The following ZFPM2 variants were observed in gnomAD, a reference collection of about 807,000 sequenced individuals.
The protein encoded by ZFPM2 is zinc finger protein ZFPM2.
A neutral mutation model predicts 98.6 loss-of-function variants in ZFPM2; 20 were observed. The ratio of observed to expected loss-of-function variants is 0.20; its 90% CI spans 0.14 to 0.29. The LOEUF (loss-of-function observed/expected upper bound fraction) is 0.29, where lower values mean the gene tolerates loss of function less well. Among genes scored for constraint, ZFPM2 ranks in the 10% least tolerant of loss-of-function variants. The probability of loss-of-function intolerance (pLI) is 1.00; values close to 1 mark genes in which losing one functional copy is unlikely to be tolerated. For missense variants in ZFPM2, 1,310 were observed against 1,388.6 expected, an observed-to-expected ratio of 0.94 and a Z score of 0.90; for synonymous variants, 518 against 502.7, an observed-to-expected ratio of 1.03 and a Z score of -0.41.
intron 5 of ZFPM2, among the ~76,000 whole-genome samples, chr8:105,658,160 G>A (rs1236975528): frequency 6.6e-6 from 1 of 152,144 alleles, no homozygotes; most frequent in East Asian, 1.9e-4. Context: ...GAAGCCTCTG[G>A]TGAGTTATGG....
intron 5 of ZFPM2, among the ~76,000 whole-genome samples, chr8:105,777,134 A>G (rs1354074435): frequency 2.0e-5 from 3 of 152,182 alleles, no homozygotes; most frequent in Non-Finnish European, 4.4e-5. Context: ...AGAAAACCAG[A>G]GTGCAGTTTT....
chr8:105,741,033 G>A (rs1279325657), intron 5 of ZFPM2, among the ~76,000 whole-genome samples: 1 of 152,070 alleles, frequency 6.6e-6, no homozygotes, highest in Non-Finnish European at 1.5e-5. Context: ...TATCAGGGCA[G>A]CCTGCAGTGA....
chr8:105,349,762 A>G (rs1475193261), intron 1 of ZFPM2, among the ~76,000 whole-genome samples: 1 of 152,220 alleles, frequency 6.6e-6, no homozygotes, highest in Non-Finnish European at 1.5e-5. Context: ...TCTAACTACC[A>G]TGATATATCA....
chr8:105,397,703 A>C (rs867926963), intron 1 of ZFPM2, among the ~76,000 whole-genome samples: 1 of 152,126 alleles, frequency 6.6e-6, no homozygotes, highest in Non-Finnish European at 1.5e-5. Context: ...GTTTTATTAA[A>C]ATTTCCTATA....
chr8:105,336,128 A>G (rs1235863890), intron 1 of ZFPM2, among the ~76,000 whole-genome samples: 1 of 151,796 alleles, frequency 6.6e-6, no homozygotes. Context: ...TATTGTTATA[A>G]TGTTTCAGAA....
intron 4 of ZFPM2, among the ~76,000 whole-genome samples, chr8:105,622,802 G>T (rs1004898435): frequency 4.6e-5 from 7 of 151,878 alleles, no homozygotes; most frequent in African/African-American, 1.7e-4. Context: ...TGCATCTGTT[G>T]ATTTGGTGAA....
chr8:105,354,906 A>G (rs1812711969), intron 1 of ZFPM2, among the ~76,000 whole-genome samples: 1 of 152,100 alleles, frequency 6.6e-6, no homozygotes, highest in Non-Finnish European at 1.5e-5. Flanking sequence ...GTGAGCCGAG[A>G]TGGCGCCACT....
chr8:105,631,524 C>A (rs1031703043), intron 4 of ZFPM2, among the ~76,000 whole-genome samples: 6 of 152,134 alleles, frequency 3.9e-5, no homozygotes, highest in Admixed American at 2.6e-4. Context: ...TCCTGTTTAT[C>A]CTTTAAAATC....
chr8:105,781,282 A>G (rs1264664391), intron 5 of ZFPM2, among the ~76,000 whole-genome samples: 2 of 144,022 alleles, frequency 1.4e-5, no homozygotes, highest in Non-Finnish European at 3.0e-5. Context: ...TAAACTTGCA[A>G]TTTAAGGAAT....
chr8:105,640,523 TA>T (rs1816930839), intron 5 of ZFPM2, among the ~76,000 whole-genome samples: 1 of 152,074 alleles, frequency 6.6e-6, no homozygotes, highest in Non-Finnish European at 1.5e-5. Flanking sequence ...TTAGTTAATT[TA>T]ACCATTTTTG....
At chr8:105,753,557 T>C (rs1413778600) in intron 5 of ZFPM2, among the ~76,000 whole-genome samples, 3 of 152,106 alleles carry the variant, frequency 2.0e-5, no homozygotes, top group African/African-American at 4.8e-5. Context: ...AAAAGAAAAT[T>C]GCATTTCTAA....
At chr8:105,506,219 T>A (rs1813695316) in intron 3 of ZFPM2, among the ~76,000 whole-genome samples, 1 of 152,198 alleles carries the variant, frequency 6.6e-6, no homozygotes, top group African/African-American at 2.4e-5. Context: ...ATATATCAAT[T>A]CTGTGCTGAG....
intron 5 of ZFPM2, among the ~76,000 whole-genome samples, chr8:105,754,633 C>G (rs1001584147): frequency 2.0e-5 from 3 of 151,464 alleles, no homozygotes; most frequent in African/African-American, 7.3e-5. Flanking sequence ...TCTAATTTCT[C>G]AAAAAGAATA....
chr8:105,458,127 T>C (rs1812626830), intron 3 of ZFPM2, among the ~76,000 whole-genome samples: 1 of 152,202 alleles, frequency 6.6e-6, no homozygotes, highest in South Asian at 2.1e-4. Flanking sequence ...GGATGTCCTC[T>C]GAACTTCTTG....
intron 1 of ZFPM2, among the ~76,000 whole-genome samples, chr8:105,328,227 T>C (rs75384195): frequency 0.038 from 5,813 of 151,846 alleles, 369 homozygotes; most frequent in African/African-American, 0.13. Flanking sequence ...GCTCAGTGAA[T>C]GTATTATTGG....
chr8:105,800,347 T>TAATC lies in ZFPM2; in HGVS notation c.965-698_965-695dup, dbSNP rs1341738170. ...AGTCAATGGTAATATTCAAAATATT[T>TAATC]AATCATGGACTAGAAATAGGCAGTG... On this transcript the variant is annotated intron_variant, in intron 7 of 7. Coordinates refer to ENST00000407775, the MANE Select transcript of ZFPM2 (RefSeq NM_012082.4). 2.6e-5 allele frequency among the ~76,000 whole-genome samples: 4 copies of TAATC among 152,186 alleles called. No homozygotes were observed. In the East Asian group the frequency reaches 7.7e-4, roughly 29 times the overall value.
chr8:105,580,927 C>T (rs1429906682), intron 4 of ZFPM2, among the ~76,000 whole-genome samples: 2 of 151,046 alleles, frequency 1.3e-5, no homozygotes, highest in Non-Finnish European at 2.9e-5. Context: ...AATGTTGTGT[C>T]ATGGTGAAAA....
At chr8:105,621,754 C>T (rs1275413939) in intron 4 of ZFPM2, among the ~76,000 whole-genome samples, 6 of 151,992 alleles carry the variant, frequency 3.9e-5, no homozygotes. Flanking sequence ...TCTCTCTATC[C>T]TTGAGTATTC....
chr8:105,552,475 T>G (rs1439858805), intron 3 of ZFPM2, among the ~76,000 whole-genome samples: 1 of 152,172 alleles, frequency 6.6e-6, no homozygotes, highest in Admixed American at 6.5e-5. Flanking sequence ...AGAAGCACAC[T>G]GTGCCAGGCT....
Sources: allele counts gnomAD v4.1 joint callset (sites outside exome capture counted in the v4.1 genomes callset), GRCh38; gene constraint gnomAD v4.1.1; transcripts MANE v1.5; gene names NCBI Gene and HGNC (gene_info 2026-07-23, HGNC 2026-07-21).